Variants in MCHR2 observed in about 807,000 individuals in gnomAD.
The protein encoded by MCHR2 is melanin-concentrating hormone receptor 2.
Under a neutral mutation model 24.8 loss-of-function variants are expected in MCHR2, and 15 were observed. The ratio of observed to expected loss-of-function variants is 0.60; its 90% CI spans 0.40 to 0.93. MCHR2 has a LOEUF of 0.93. Among genes scored for constraint, MCHR2 ranks in the 40% least tolerant of loss-of-function variants. The pLI, the probability that MCHR2 is intolerant of heterozygous loss-of-function variation, is 0.00. For missense variants in MCHR2, 386 were observed against 408.7 expected (o/e 0.94, Z 0.48); for synonymous variants, 151 against 147.6 (o/e 1.02, Z -0.17).
At chr6:99,983,749 T>C (rs1775718006) in intron 1 of MCHR2, among the ~76,000 whole-genome samples, 1 of 152,216 alleles carries the variant, frequency 6.6e-6, no homozygotes, top group Non-Finnish European at 1.5e-5. Flanking sequence ...AGTGCCTATG[T>C]TTGCATTTAC....
intron 1 of MCHR2, among the ~76,000 whole-genome samples, chr6:99,993,399 G>A (rs1003565727): frequency 6.6e-6 from 1 of 152,162 alleles, no homozygotes; most frequent in Non-Finnish European, 1.5e-5. Flanking sequence ...AACTAAGTGG[G>A]AATGGGGGCT....
At position 99,970,189 on chromosome 6, in the gene MCHR2, G is replaced by T. The variant is rs1369877185; in HGVS notation, c.-27-14015C>A. ...ACAGTCCCACCAACAGTGTAAAAGTGTTCCTATTTCTCCACATCCTCTCCA... is the reference window on the plus strand; with the variant it reads ...ACAGTCCCACCAACAGTGTAAAAGTTTTCCTATTTCTCCACATCCTCTCCA... On this transcript the variant is annotated intron_variant, in intron 1 of 5. Coordinates refer to ENST00000281806, the MANE Select transcript of MCHR2 (RefSeq NM_001040179.2). 4.0e-5 allele frequency among the ~76,000 whole-genome samples: 6 copies of T among 151,148 alleles called. No individual in the cohort carries two copies. The East Asian group carries it at 1.2e-3, about 29-fold the overall frequency.
At chr6:99,922,597 T>C (rs1774262046) in intron 5 of MCHR2, among the ~76,000 whole-genome samples, 1 of 152,234 alleles carries the variant, frequency 6.6e-6, no homozygotes, top group Admixed American at 6.5e-5. Flanking sequence ...AGTTTCATTC[T>C]TCTGCATATG....
intron 3 of MCHR2, among the ~76,000 whole-genome samples, chr6:99,945,246 T>C (rs1482900327): frequency 2.0e-5 from 3 of 152,184 alleles, no homozygotes; most frequent in African/African-American, 4.8e-5. Flanking sequence ...CAACAATCTC[T>C]GGCATATGGT....
At position 99,943,131 on chromosome 6, in the gene MCHR2, GA is replaced by G; in HGVS notation, c.404del (p.Leu135ProfsTer7). On this transcript the variant is annotated frameshift_variant, in exon 4 of 6. Transcript: ENST00000281806. LOFTEE classifies it high-confidence loss of function. ...TVMSVDRYFA[L>X]VQPFRLTRWR... Reference sequence around the variant, plus strand: ...AACGTGTCAGTCGAAATGGTTGGACGAGGGCAAAGTACCTGCAAAGGCAGTC... The same window carrying G: ...AACGTGTCAGTCGAAATGGTTGGACGGGGCAAAGTACCTGCAAAGGCAGTC... The G allele has an allele frequency of 6.2e-7, 1 of 1,609,186 alleles. No homozygotes were observed. Among genetic ancestry groups the G allele is most frequent in the Non-Finnish European group, 8.5e-7 (1 of 1,177,070 alleles).
intron 5 of MCHR2, among the ~76,000 whole-genome samples, chr6:99,924,927 G>A (rs1774318524): frequency 6.6e-6 from 1 of 152,116 alleles, no homozygotes; most frequent in South Asian, 2.1e-4. Flanking sequence ...TTGGTCTACA[G>A]TGCACATTAA....
At chr6:99,993,299 C>A (rs779543981) in intron 1 of MCHR2, among the ~76,000 whole-genome samples, 8 of 152,206 alleles carry the variant, frequency 5.3e-5, no homozygotes, top group Non-Finnish European at 1.0e-4. Context: ...TCTCTGACAG[C>A]CGCTAACTAA....
intron 5 of MCHR2, 95 bp downstream of exon 5, chr6:99,934,303 G>C (rs1562119887): frequency 6.4e-6 from 8 of 1,258,108 alleles, no homozygotes; most frequent in Non-Finnish European, 7.4e-6. Flanking sequence ...TCTAAATGTG[G>C]TATGTTTCAA....
At chr6:99,927,289 T>C (rs1774387259) in intron 5 of MCHR2, among the ~76,000 whole-genome samples, 1 of 152,218 alleles carries the variant, frequency 6.6e-6, no homozygotes, top group Non-Finnish European at 1.5e-5. Flanking sequence ...AGCTTTGTTC[T>C]TTTGGCTTAG....
At chr6:99,973,283 C>T (rs1293308383) in intron 1 of MCHR2, among the ~76,000 whole-genome samples, 13 of 151,736 alleles carry the variant, frequency 8.6e-5, no homozygotes, top group Non-Finnish European at 1.9e-4. Context: ...ATAGTTAGCT[C>T]TTCTTGTTGA....
At chr6:99,977,708 T>C (rs890037072) in intron 1 of MCHR2, among the ~76,000 whole-genome samples, 17 of 152,236 alleles carry the variant, frequency 1.1e-4, no homozygotes, top group Admixed American at 4.6e-4. Context: ...CTATGCCTAG[T>C]GGATAAGTCG....
chr6:99,984,926 C>A (rs539861960), intron 1 of MCHR2, among the ~76,000 whole-genome samples: 2 of 152,090 alleles, frequency 1.3e-5, no homozygotes, highest in South Asian at 4.2e-4. Context: ...GCCTAGAGAA[C>A]CCTAAGGACT....
At chr6:99,934,855 T>C (rs574933986) in intron 4 of MCHR2, among the ~76,000 whole-genome samples, 3 of 152,162 alleles carry the variant, frequency 2.0e-5, no homozygotes, top group African/African-American at 7.2e-5. Flanking sequence ...GTTCTAAGCA[T>C]TTTGTATATC....
Position 99,921,116 on chromosome 6 carries a change from C to A in MCHR2, c.847G>T (p.Ala283Ser). ...GAGAGGTAATAACCCACATAGAAGGCCAGTGTGGGCTGTTCCATCTGTAAG... is the reference window on the plus strand; with the variant it reads ...GAGAGGTAATAACCCACATAGAAGGACAGTGTGGGCTGTTCCATCTGTAAG... ...VNLQMEQPTL[A>S]FYVGYYLSIC... is the part of the protein sequence containing the mutation. Residue 283 changes from alanine (A) to serine (S), a missense_variant, in exon 6 of 6, where the codon GCC (alanine) becomes TCC (serine). Ala to Ser is a moderately conservative substitution (Grantham distance 99). Transcript: ENST00000281806. 1 of 1,614,134 alleles carries A rather than the reference C, an allele frequency of 6.2e-7. No individual in the cohort carries two copies. The highest frequency in any genetic ancestry group is 1.1e-5 in the South Asian group (1 of 91,076).
intron 2 of MCHR2, among the ~76,000 whole-genome samples, chr6:99,952,254 G>T (rs1220662255): frequency 6.6e-6 from 1 of 152,058 alleles, no homozygotes; most frequent in Non-Finnish European, 1.5e-5. Context: ...GACTAGTGAT[G>T]ATCAGGCCTC....
intron 1 of MCHR2, among the ~76,000 whole-genome samples, chr6:99,991,822 A>AAAAAG (rs1562138987): frequency 8.6e-5 from 13 of 151,262 alleles, no homozygotes; most frequent in African/African-American, 2.7e-4. Context: ...AAAAAAAAAA[A>AAAAAG]AAAAGAAAAG....
intron 1 of MCHR2, among the ~76,000 whole-genome samples, chr6:99,960,172 T>C (rs1232941647): frequency 6.8e-6 from 1 of 146,048 alleles, no homozygotes; most frequent in Non-Finnish European, 1.6e-5. Context: ...CAGGAGAGAG[T>C]GGGATGATAT....
intron 1 of MCHR2, among the ~76,000 whole-genome samples, chr6:99,975,416 G>T (rs112375143): frequency 6.6e-6 from 1 of 152,142 alleles, no homozygotes; most frequent in Non-Finnish European, 1.5e-5. Flanking sequence ...TTTTAAGCCC[G>T]TTGGAAAACC....
intron 5 of MCHR2, among the ~76,000 whole-genome samples, chr6:99,928,968 G>A (rs1446935746): frequency 6.6e-6 from 1 of 151,730 alleles, no homozygotes; most frequent in South Asian, 2.1e-4. Context: ...TTCTCTTGTG[G>A]GCATTTAGTG....
Sources: gnomAD v4.1 joint callset for allele counts (sites outside exome capture counted in the v4.1 genomes callset) on GRCh38, gnomAD v4.1.1 for gene constraint, MANE v1.5 for transcripts, NCBI Gene and HGNC (gene_info 2026-07-23, HGNC 2026-07-21) for gene names.